ST6GAL2: variants seen among roughly 807,000 people sequenced by gnomAD.
ST6GAL2 encodes the protein beta-galactoside alpha-2,6-sialyltransferase 2.
In ST6GAL2, 24 loss-of-function variants were observed where a neutral mutation model predicts 37.5. The observed-to-expected ratio is 0.64, with a 90% CI of 0.46 to 0.90. The LOEUF (loss-of-function observed/expected upper bound fraction) is 0.90. ST6GAL2 is among the 40% of genes least tolerant of loss of function. ST6GAL2 has a pLI of 0.00. For missense variants in ST6GAL2, 715 were observed against 712.7 expected, an observed-to-expected ratio of 1.00 and a Z score of -0.04; for synonymous variants, 306 against 295.1, an observed-to-expected ratio of 1.04 and a Z score of -0.38.
chr2:106,836,740 C>A (rs958765672), intron 2 of ST6GAL2, among the ~76,000 whole-genome samples: 12 of 139,626 alleles, frequency 8.6e-5, no homozygotes, highest in Non-Finnish European at 1.7e-4. Context: ...CCAGCCTGAC[C>A]ACCATGGAGA....
chr2:106,827,506 C>T (rs1676253059), intron 5 of ST6GAL2, among the ~76,000 whole-genome samples: 5 of 152,180 alleles, frequency 3.3e-5, no homozygotes, highest in Admixed American at 3.3e-4. Flanking sequence ...AACGCCAGAC[C>T]ACATCTTCTG....
At chr2:106,823,754 A>C (rs1459840436) in intron 5 of ST6GAL2, among the ~76,000 whole-genome samples, 1 of 152,174 alleles carries the variant, frequency 6.6e-6, no homozygotes, top group East Asian at 1.9e-4. Flanking sequence ...AGGGGCCTGA[A>C]ATTCCAAGAA....
At chr2:106,836,755 C>T (rs1472684347) in intron 2 of ST6GAL2, among the ~76,000 whole-genome samples, 1 of 138,088 alleles carries the variant, frequency 7.2e-6, no homozygotes, top group African/African-American at 2.8e-5. Context: ...TGGAGAAACC[C>T]CGTCTCTACT....
In ST6GAL2 at chr2:106,838,314, C is replaced by T. The variant is rs566644929; in HGVS notation, c.944-4168G>A. Among the ~76,000 whole-genome samples the T allele has an allele frequency of 2.9e-4, 44 of 152,304 alleles. No homozygotes were observed. The South Asian group carries it at 8.3e-3, about 29-fold the overall frequency. On this transcript the variant is annotated intron_variant, in intron 2 of 5. Coordinates refer to ENST00000409382, the MANE Select transcript of ST6GAL2 (RefSeq NM_001142351.2). ...AGCTGCTGGGCCAGCACCCGGTCAC[C>T]GCCCTGCCCCAGGCCCCATTCACCA...
chr2:106,811,597 A>G (rs1675612824), intron 5 of ST6GAL2, among the ~76,000 whole-genome samples: 1 of 152,196 alleles, frequency 6.6e-6, no homozygotes, highest in Non-Finnish European at 1.5e-5. Context: ...GCCCATGACC[A>G]TTCTTAGGAT....
upstream of ST6GAL2, chr2:106,886,993 G>A (rs1679030237): frequency 2.0e-5 from 3 of 152,344 alleles, no homozygotes; most frequent in African/African-American, 7.2e-5. Flanking sequence ...GTACCCGCCT[G>A]GCACCGCGCC....
At chr2:106,882,712 G>A (rs534276379) in intron 1 of ST6GAL2, among the ~76,000 whole-genome samples, 8 of 152,178 alleles carry the variant, frequency 5.3e-5, no homozygotes, top group Non-Finnish European at 8.8e-5. Flanking sequence ...AGAAGCACTG[G>A]CCAATAGCTT....
intron 1 of ST6GAL2, among the ~76,000 whole-genome samples, chr2:106,862,969 T>C (rs1223467227): frequency 6.9e-6 from 1 of 145,230 alleles, no homozygotes; most frequent in African/African-American, 2.5e-5. Context: ...CATGAGTGCA[T>C]TGCTTATAAT....
chr2:106,845,639 T>C (rs1573265606), intron 1 of ST6GAL2, among the ~76,000 whole-genome samples: 2 of 152,206 alleles, frequency 1.3e-5, no homozygotes, highest in South Asian at 4.1e-4. Context: ...CCTACCTCAA[T>C]GTGGTCACCT....
intron 1 of ST6GAL2, among the ~76,000 whole-genome samples, chr2:106,853,943 T>A (rs1677472970): frequency 6.6e-6 from 1 of 152,204 alleles, no homozygotes; most frequent in Admixed American, 6.5e-5. Flanking sequence ...TTTACAATAA[T>A]TAGCATTCAA....
At chr2:106,851,716 T>A (rs568807227) in intron 1 of ST6GAL2, among the ~76,000 whole-genome samples, 1 of 151,970 alleles carries the variant, frequency 6.6e-6, no homozygotes, top group East Asian at 1.9e-4. Flanking sequence ...CTGCTATTAA[T>A]TGCCAGCTGG....
At chr2:106,818,481 T>A (rs1675887110) in intron 5 of ST6GAL2, among the ~76,000 whole-genome samples, 1 of 152,192 alleles carries the variant, frequency 6.6e-6, no homozygotes, top group Non-Finnish European at 1.5e-5. Context: ...GCAGTACCTC[T>A]ACAAGTCTGC....
intron 5 of ST6GAL2, among the ~76,000 whole-genome samples, chr2:106,818,849 G>A (rs71419344): frequency 0.023 from 3,430 of 151,940 alleles, 66 homozygotes; most frequent in Middle Eastern, 0.055. Flanking sequence ...ATAACAGAAA[G>A]AAGAAATTCA....
chr2:106,805,528 A>C lies in ST6GAL2; in HGVS notation c.*1150T>G, dbSNP rs1001851020. ...GCAATGCTTTCACATAAATTATTTAATTATATGGCTTTGTCATGCTGCTGA... is the reference window on the plus strand; with the variant it reads ...GCAATGCTTTCACATAAATTATTTACTTATATGGCTTTGTCATGCTGCTGA... On this transcript the variant is annotated 3_prime_UTR_variant, in exon 6 of 6. Transcript: ENST00000409382. 6.6e-6 allele frequency: 1 copy of C among 152,210 alleles called. No individual in the cohort carries two copies. Among genetic ancestry groups the C allele is most frequent in the Non-Finnish European group, 1.5e-5 (1 of 68,034 alleles). 9.4% of individuals were successfully genotyped at this position (152,210 alleles called of 1,614,324 possible). A position where few individuals can be genotyped will look rare whatever the true frequency, so the allele number is the denominator to read the frequency against.
chr2:106,841,365 C>T (rs1380492952), intron 2 of ST6GAL2, among the ~76,000 whole-genome samples: 1 of 152,222 alleles, frequency 6.6e-6, no homozygotes, highest in Non-Finnish European at 1.5e-5. Context: ...CGGAATGTCA[C>T]TTCCAGACCA....
chr2:106,884,921 A>ATG (rs1394634267), intron 1 of ST6GAL2, among the ~76,000 whole-genome samples: 7,565 of 119,714 alleles, frequency 0.063, 457 homozygotes, highest in African/African-American at 0.16. Context: ...ATATATATAT[A>ATG]TATATATATA....
intron 2 of ST6GAL2, chr2:106,834,760 A>T (rs1573240631): frequency 6.6e-6 from 1 of 152,454 alleles, no homozygotes; most frequent in Non-Finnish European, 1.5e-5. Context: ...TAGCAGCAAT[A>T]GCCTGCCAGA....
At chr2:106,859,898 C>A (rs974963463) in intron 1 of ST6GAL2, among the ~76,000 whole-genome samples, 2 of 151,926 alleles carry the variant, frequency 1.3e-5, no homozygotes, top group Admixed American at 6.6e-5. Flanking sequence ...AAAAATTACC[C>A]TTTGCCGTGG....
chr2:106,817,807 C>T (rs1347971131), intron 5 of ST6GAL2, among the ~76,000 whole-genome samples: 5 of 152,344 alleles, frequency 3.3e-5, no homozygotes, highest in African/African-American at 1.2e-4. Flanking sequence ...TCACACAGCA[C>T]TTCTTGACCT....
Sources: gnomAD v4.1 joint callset for allele counts (sites outside exome capture counted in the v4.1 genomes callset) on GRCh38, gnomAD v4.1.1 for gene constraint, MANE v1.5 for transcripts, NCBI Gene and HGNC (gene_info 2026-07-23, HGNC 2026-07-21) for gene names.